The following MYRFL variants were observed in gnomAD, a reference collection of about 807,000 sequenced individuals.
MYRFL encodes myelin regulatory factor like.
Under a neutral mutation model 109.4 loss-of-function variants are expected in MYRFL, and 88 were observed. The ratio of observed to expected loss-of-function variants is 0.80; its 90% confidence interval spans 0.68 to 0.96. The LOEUF (loss-of-function observed/expected upper bound fraction) is 0.96. Ranked by LOEUF, MYRFL falls within the 40% of genes least tolerant of loss-of-function variation. The pLI is 0.00. For missense variants in MYRFL, 957 were observed against 954.9 expected (o/e 1.00, Z -0.03); for synonymous variants, 324 against 320.9 (o/e 1.01, Z -0.10).
intron 19 of MYRFL, among the ~76,000 whole-genome samples, chr12:69,949,930 G>C (rs539268121): frequency 1.3e-5 from 2 of 152,220 alleles, no homozygotes; most frequent in South Asian, 4.2e-4. Flanking sequence ...TCTGTCAAGC[G>C]GGGATAACCT....
At chr12:69,838,187 G>C (rs1191442604) in intron 1 of MYRFL, among the ~76,000 whole-genome samples, 2 of 152,176 alleles carry the variant, frequency 1.3e-5, no homozygotes, top group African/African-American at 4.8e-5. Context: ...GTCACATCTT[G>C]CTGAACTTGT....
intron 7 of MYRFL, among the ~76,000 whole-genome samples, chr12:69,891,419 T>C (rs953488937): frequency 6.6e-6 from 1 of 152,198 alleles, no homozygotes; most frequent in Non-Finnish European, 1.5e-5. Flanking sequence ...GGCCATCAGC[T>C]GGAGCTCAAA....
At chr12:69,937,326 G>C (rs1566039551) in intron 19 of MYRFL, among the ~76,000 whole-genome samples, 1 of 151,894 alleles carries the variant, frequency 6.6e-6, no homozygotes, top group African/African-American at 2.4e-5. Context: ...TAATATTAAT[G>C]ATGATGCTAA....
chr12:69,906,180 T>C (rs978628712), intron 11 of MYRFL, among the ~76,000 whole-genome samples: 3 of 152,200 alleles, frequency 2.0e-5, no homozygotes, highest in Non-Finnish European at 4.4e-5. Context: ...CAGATTTCTT[T>C]GTGGATATTA....
At chr12:69,923,420 TTTTTC>T (rs1248849087) in intron 13 of MYRFL, among the ~76,000 whole-genome samples, 17 of 152,298 alleles carry the variant, frequency 1.1e-4, no homozygotes, top group Non-Finnish European at 2.1e-4. Context: ...AGAAAATGTC[TTTTTC>T]TTTTAAGAAA....
At chr12:69,906,359 T>C (rs1954358449) in intron 11 of MYRFL, among the ~76,000 whole-genome samples, 1 of 152,086 alleles carries the variant, frequency 6.6e-6, no homozygotes, top group African/African-American at 2.4e-5. Flanking sequence ...TGTCTACTGA[T>C]GCGACTGCAG....
chr12:69,879,129 T>C, intron 3 of MYRFL, 34 bp downstream of exon 3: 1 of 685,152 alleles, frequency 1.5e-6, no homozygotes, highest in Non-Finnish European at 2.7e-6. Flanking sequence ...CATCTGGCAC[T>C]GTTGCTCTTC....
intron 2 of MYRFL, among the ~76,000 whole-genome samples, chr12:69,861,568 G>A (rs1181772561): frequency 2.0e-5 from 3 of 152,044 alleles, no homozygotes; most frequent in South Asian, 2.1e-4. Flanking sequence ...GTCTGTTCGT[G>A]TCCTTTGCCC....
At chr12:69,885,294 A>C (rs991528247) in intron 5 of MYRFL, among the ~76,000 whole-genome samples, 1 of 151,776 alleles carries the variant, frequency 6.6e-6, no homozygotes, top group Non-Finnish European at 1.5e-5. Context: ...AGTGACATTT[A>C]ATAGCAATAC....
chr12:69,872,213 C>A (rs147628703), intron 2 of MYRFL, among the ~76,000 whole-genome samples: 63 of 152,316 alleles, frequency 4.1e-4, no homozygotes, highest in African/African-American at 1.5e-3. Flanking sequence ...CTTCACCCTT[C>A]TTGTACACAT....
At chr12:69,887,115 T>C (rs1886504708) in intron 6 of MYRFL, 145 bp downstream of exon 6, 1 of 842,386 alleles carries the variant, frequency 1.2e-6, no homozygotes, top group Non-Finnish European at 1.7e-6. Flanking sequence ...CCTCATTTTT[T>C]ACATCCTAAC....
chr12:69,849,473 A>G lies in MYRFL; in HGVS notation c.47-5807A>G, dbSNP rs1349307395. Among the ~76,000 whole-genome samples the G allele has an allele frequency of 2.6e-5, 4 of 152,222 alleles. No homozygotes were observed. In the South Asian group the frequency reaches 6.2e-4, roughly 24 times the overall value. On this transcript the variant is annotated intron_variant, in intron 1 of 24. Coordinates refer to ENST00000552032, the MANE Select transcript of MYRFL (RefSeq NM_182530.3). ...GGTTTTCTTTATGCATTTCATCTCTATCAGATTTTGGCATTCATTTTATGC... is the reference window on the plus strand; with the variant it reads ...GGTTTTCTTTATGCATTTCATCTCTGTCAGATTTTGGCATTCATTTTATGC...
intron 13 of MYRFL, among the ~76,000 whole-genome samples, chr12:69,918,906 A>G (rs1954825250): frequency 6.6e-6 from 1 of 152,158 alleles, no homozygotes; most frequent in African/African-American, 2.4e-5. Flanking sequence ...AGCTTAAGAG[A>G]CTGACAATTA....
intron 13 of MYRFL, among the ~76,000 whole-genome samples, chr12:69,911,221 A>G: frequency 6.6e-6 from 1 of 152,262 alleles, no homozygotes; most frequent in East Asian, 1.9e-4. Context: ...GCATGAATGC[A>G]CTTTAAACAA....
At chr12:69,838,841 T>C (rs548942805) in intron 1 of MYRFL, among the ~76,000 whole-genome samples, 2 of 152,192 alleles carry the variant, frequency 1.3e-5, no homozygotes, top group Non-Finnish European at 2.9e-5. Flanking sequence ...AATGTACTAG[T>C]AAAGACCCTG....
At position 69,855,230 on chromosome 12, in the gene MYRFL, G is replaced by A. The variant is rs1370506958; in HGVS notation, c.47-50G>A. On this transcript the variant is annotated intron_variant, in intron 1 of 24. Coordinates refer to ENST00000552032, the MANE Select transcript of MYRFL (RefSeq NM_182530.3). Reference sequence around the variant, plus strand: ...GATTTGTCAGTGTTTTTAGCCATTGGCCATACTGAAATCTTCATGTTTCTC... The same window carrying A: ...GATTTGTCAGTGTTTTTAGCCATTGACCATACTGAAATCTTCATGTTTCTC... The A allele has an allele frequency of 5.8e-6, 4 of 689,394 alleles. No homozygotes were observed. In the Admixed American group the frequency reaches 8.3e-5, roughly 14 times the overall value. 42.7% of individuals were successfully genotyped at this position (689,394 alleles called of 1,614,324 possible). A position where few individuals can be genotyped will look rare whatever the true frequency, so the allele number is the denominator to read the frequency against.
chr12:69,952,322 G>C, intron 20 of MYRFL, 147 bp downstream of exon 20: 1 of 686,056 alleles, frequency 1.5e-6, no homozygotes. Context: ...TGTTATAATC[G>C]ATGCCACCCT....
At chr12:69,949,256 A>T (rs1367591498) in intron 19 of MYRFL, among the ~76,000 whole-genome samples, 1 of 152,094 alleles carries the variant, frequency 6.6e-6, no homozygotes, top group Non-Finnish European at 1.5e-5. Context: ...AAAAAAAAAA[A>T]AAGACTGCCA....
At chr12:69,841,058 G>A (rs1289965722) in intron 1 of MYRFL, among the ~76,000 whole-genome samples, 1 of 152,158 alleles carries the variant, frequency 6.6e-6, no homozygotes, top group Non-Finnish European at 1.5e-5. Context: ...TGAAATAACT[G>A]ATTAGATTCT....
Sources: gnomAD v4.1 joint callset for allele counts (sites outside exome capture counted in the v4.1 genomes callset) on GRCh38, gnomAD v4.1.1 for gene constraint, MANE v1.5 for transcripts, NCBI Gene and HGNC (gene_info 2026-07-23, HGNC 2026-07-21) for gene names.